The following KCNN2 variants were observed in gnomAD, a reference collection of about 807,000 sequenced individuals.
The protein encoded by KCNN2 is small conductance calcium-activated potassium channel protein 2.
In KCNN2, 24 loss-of-function variants were observed where a neutral mutation model predicts 55.5. That is an observed-to-expected ratio of 0.43 (90% CI 0.31 to 0.61). KCNN2 has a LOEUF of 0.61. Ranked by LOEUF, KCNN2 falls within the 20% of genes least tolerant of loss-of-function variation. KCNN2 has a pLI of 0.08. For missense variants in KCNN2, 754 were observed against 853.6 expected (o/e 0.88, Z 1.45); for synonymous variants, 431 against 336.1 (o/e 1.28, Z -3.09).
intron 2 of KCNN2, among the ~76,000 whole-genome samples, chr5:114,229,827 A>G (rs531904922): frequency 6.6e-6 from 1 of 152,350 alleles, no homozygotes; most frequent in Non-Finnish European, 1.5e-5. Context: ...ACAAAGAGAA[A>G]TAAGTCTCCA....
intron 2 of KCNN2, among the ~76,000 whole-genome samples, chr5:114,307,552 T>C (rs1052666985): frequency 6.6e-6 from 1 of 152,174 alleles, no homozygotes; most frequent in East Asian, 1.9e-4. Context: ...CATGGTCACA[T>C]CTCTTATAGT....
chr5:114,161,195 G>T (rs1162063797), intron 1 of KCNN2, among the ~76,000 whole-genome samples: 3 of 152,078 alleles, frequency 2.0e-5, no homozygotes, highest in Non-Finnish European at 2.9e-5. Context: ...TTTAGGGCAG[G>T]CCTGGTGGTG....
chr5:114,271,431 C>T lies in KCNN2; in HGVS notation c.-185+49866C>T, dbSNP rs763428337. Among the ~76,000 whole-genome samples, 8 of 152,160 alleles carry T rather than the reference C, an allele frequency of 5.3e-5. No individual in the cohort carries two copies. The South Asian group carries it at 1.0e-3, about 20-fold the overall frequency. On this transcript the variant is annotated intron_variant, in intron 2 of 10. Transcript: ENST00000512097. ...CCAAGTTCCCACCCGACCCAGAAGC[C>T]GGCCAGCTTCACCTCTCATTACTAC...
intron 3 of KCNN2, among the ~76,000 whole-genome samples, chr5:114,424,243 G>A (rs1311907860): frequency 1.3e-5 from 2 of 152,120 alleles, no homozygotes; most frequent in Non-Finnish European, 2.9e-5. Context: ...ATTTGACACT[G>A]TTCTTTCACT....
At chr5:114,137,649 G>A (rs1289691098) in intron 1 of KCNN2, among the ~76,000 whole-genome samples, 2 of 152,124 alleles carry the variant, frequency 1.3e-5, no homozygotes, top group Non-Finnish European at 2.9e-5. Context: ...TTGGAGAAGT[G>A]CAGCATACTG....
chr5:114,274,742 C>A (rs1048667285), intron 2 of KCNN2, among the ~76,000 whole-genome samples: 1 of 152,098 alleles, frequency 6.6e-6, no homozygotes, highest in Non-Finnish European at 1.5e-5. Context: ...TGGGATGAGA[C>A]GATGGAGTTT....
chr5:114,237,057 T>C (rs1489856989), intron 2 of KCNN2, among the ~76,000 whole-genome samples: 1 of 152,128 alleles, frequency 6.6e-6, no homozygotes, highest in East Asian at 1.9e-4. Context: ...TGAACATAAG[T>C]CTTGCTATAC....
intron 3 of KCNN2, among the ~76,000 whole-genome samples, chr5:114,405,410 G>C (rs1250757197): frequency 6.6e-6 from 1 of 152,218 alleles, no homozygotes; most frequent in African/African-American, 2.4e-5. Context: ...ATGTGTATTT[G>C]TTTTAATGTC....
chr5:114,488,154 T>C (rs1391349954), intron 6 of KCNN2, among the ~76,000 whole-genome samples: 2 of 152,216 alleles, frequency 1.3e-5, no homozygotes, highest in African/African-American at 4.8e-5. Flanking sequence ...AACCTGTCCA[T>C]TGAACTGCCC....
chr5:114,085,535 T>C (rs1320744838), intron 1 of KCNN2, among the ~76,000 whole-genome samples: 1 of 152,050 alleles, frequency 6.6e-6, no homozygotes, highest in Non-Finnish European at 1.5e-5. Context: ...GTATATAACC[T>C]TATATCTACA....
intron 2 of KCNN2, among the ~76,000 whole-genome samples, chr5:114,386,113 CAG>C (rs1758275460): frequency 6.8e-6 from 1 of 146,372 alleles, no homozygotes; most frequent in Non-Finnish European, 1.5e-5. Flanking sequence ...ACCGAGGAGA[CAG>C]AGCTTGCGGT....
chr5:114,088,962 T>G (rs369081787), intron 1 of KCNN2, among the ~76,000 whole-genome samples: 4 of 152,286 alleles, frequency 2.6e-5, no homozygotes, highest in African/African-American at 9.6e-5. Flanking sequence ...TTTTAAAAAA[T>G]TATTCTCACC....
chr5:114,089,451 A>G (rs970720902), intron 1 of KCNN2, among the ~76,000 whole-genome samples: 1 of 152,156 alleles, frequency 6.6e-6, no homozygotes, highest in African/African-American at 2.4e-5. Context: ...TGTTCAGTGT[A>G]CAAAAGCCTG....
intron 1 of KCNN2, among the ~76,000 whole-genome samples, chr5:114,153,235 T>C (rs1255500650): frequency 1.3e-5 from 2 of 152,108 alleles, no homozygotes; most frequent in Non-Finnish European, 2.9e-5. Context: ...ACAGTGAGGG[T>C]GTAGCATTTA....
At chr5:114,079,844 T>TGTGA (rs760369459) in intron 1 of KCNN2, among the ~76,000 whole-genome samples, 73 of 149,538 alleles carry the variant, frequency 4.9e-4, no homozygotes, top group Middle Eastern at 3.5e-3. Flanking sequence ...TGTGTGTGTG[T>TGTGA]GAGAGAGAGA....
intron 2 of KCNN2, among the ~76,000 whole-genome samples, chr5:114,224,684 G>A (rs1754206933): frequency 1.3e-5 from 2 of 152,134 alleles, no homozygotes; most frequent in African/African-American, 2.4e-5. Context: ...GGAACATTGG[G>A]CTCAGTAGTA....
intron 2 of KCNN2, among the ~76,000 whole-genome samples, chr5:114,389,828 A>C (rs765086951): frequency 4.6e-5 from 7 of 152,316 alleles, no homozygotes; most frequent in Non-Finnish European, 4.4e-5. Context: ...AAGATGTGAC[A>C]TTGGAGAAAT....
At chr5:114,264,128 G>C (rs1427920389) in intron 2 of KCNN2, among the ~76,000 whole-genome samples, 1 of 152,112 alleles carries the variant, frequency 6.6e-6, no homozygotes, top group Non-Finnish European at 1.5e-5. Context: ...GATCAATTCT[G>C]TCTTGTAGTT....
chr5:114,332,544 C>A (rs1251213796), intron 2 of KCNN2, among the ~76,000 whole-genome samples: 3 of 152,142 alleles, frequency 2.0e-5, no homozygotes, highest in Non-Finnish European at 4.4e-5. Flanking sequence ...TTTGGTAGTT[C>A]AGTTGGGGTT....
Sources: allele counts gnomAD v4.1 joint callset (sites outside exome capture counted in the v4.1 genomes callset), GRCh38; gene constraint gnomAD v4.1.1; transcripts MANE v1.5; gene names NCBI Gene and HGNC (gene_info 2026-07-23, HGNC 2026-07-21).